SUPT3H: variants seen among roughly 807,000 people sequenced by gnomAD.
The protein encoded by SUPT3H is SPT3 homolog, SAGA and STAGA complex component.
Under a neutral mutation model 44.3 loss-of-function variants are expected in SUPT3H, and 44 were observed. The observed-to-expected ratio is 0.99, with a 90% confidence interval of 0.78 to 1.28. SUPT3H has a LOEUF of 1.28. Ranked by LOEUF, SUPT3H falls within the 50% of genes most tolerant of loss-of-function variation. The probability of loss-of-function intolerance (pLI) is 0.00; values close to 1 mark genes in which losing one functional copy is unlikely to be tolerated. For synonymous variants in SUPT3H, 124 were observed against 125.6 expected (o/e 0.99, Z 0.09); for missense variants, 380 against 387.1 (o/e 0.98, Z 0.15).
intron 10 of SUPT3H, among the ~76,000 whole-genome samples, chr6:44,844,444 A>G (rs889228883): frequency 1.3e-5 from 2 of 152,224 alleles, no homozygotes; most frequent in Non-Finnish European, 2.9e-5. Flanking sequence ...GAACATTTAT[A>G]TATTTTTATG....
intron 2 of SUPT3H, among the ~76,000 whole-genome samples, chr6:45,229,969 T>C (rs1767647978): frequency 6.6e-6 from 1 of 152,180 alleles, no homozygotes; most frequent in Non-Finnish European, 1.5e-5. Flanking sequence ...CCTCTATTCA[T>C]GGTCCCTTTC....
chr6:45,108,436 C>CTTA (rs1039293968), intron 2 of SUPT3H, among the ~76,000 whole-genome samples: 18 of 152,130 alleles, frequency 1.2e-4, no homozygotes, highest in African/African-American at 4.3e-4. Context: ...GTGCATGTAT[C>CTTA]TTATATGTAT....
chr6:44,889,450 T>G (rs1402307392), intron 10 of SUPT3H, among the ~76,000 whole-genome samples: 1 of 152,086 alleles, frequency 6.6e-6, no homozygotes, highest in Non-Finnish European at 1.5e-5. Context: ...CCCTCAGAAA[T>G]AACACCGCAT....
intron 2 of SUPT3H, among the ~76,000 whole-genome samples, chr6:45,108,687 T>C (rs1283379299): frequency 6.6e-6 from 1 of 152,160 alleles, no homozygotes. Context: ...AGGAACTTTC[T>C]CTAATTTGAT....
intron 9 of SUPT3H, among the ~76,000 whole-genome samples, chr6:44,942,586 T>C (rs1772631471): frequency 6.6e-6 from 1 of 152,120 alleles, no homozygotes; most frequent in Non-Finnish European, 1.5e-5. Flanking sequence ...GGTGTACAAA[T>C]TTTACCCAAA....
At chr6:44,918,492 T>C (rs909351417) in intron 10 of SUPT3H, among the ~76,000 whole-genome samples, 6 of 152,136 alleles carry the variant, frequency 3.9e-5, no homozygotes, top group Non-Finnish European at 5.9e-5. Context: ...CCTTGTCCAA[T>C]CCTCCTTTAT....
chr6:44,891,339 A>G (rs1402946196), intron 10 of SUPT3H, among the ~76,000 whole-genome samples: 1 of 152,168 alleles, frequency 6.6e-6, no homozygotes, highest in Non-Finnish European at 1.5e-5. Context: ...CACATTATTC[A>G]CAATAGCCAA....
intron 2 of SUPT3H, among the ~76,000 whole-genome samples, chr6:45,303,439 T>G (rs1387876776): frequency 1.3e-5 from 2 of 151,312 alleles, no homozygotes; most frequent in Non-Finnish European, 2.9e-5. Flanking sequence ...AAGCAAACAA[T>G]CCCATCAAAA....
At chr6:44,928,691 C>T (rs1430020446) in intron 10 of SUPT3H, among the ~76,000 whole-genome samples, 2 of 150,958 alleles carry the variant, frequency 1.3e-5, no homozygotes, top group East Asian at 1.9e-4. Flanking sequence ...GTCAGGAGAT[C>T]GAGACCACGG....
At position 45,233,111 on chromosome 6, in the gene SUPT3H, C is replaced by T. The variant is rs7749973; in HGVS notation, c.102-127105G>A. Among the ~76,000 whole-genome samples the T allele has an allele frequency of 1.6e-4, 24 of 152,232 alleles. 1 individual carries two copies. Among genetic ancestry groups the T allele is most frequent in the East Asian group, 3.9e-4 (2 of 5,178 alleles). ...AGTCTCTCAGGTTTTAGAAATTACG[C>T]GCTTTAGTTTTCTTTGTACAAGAGG... is the stretch of plus-strand genomic sequence containing the variant. On this transcript the variant is annotated intron_variant, in intron 2 of 10. Transcript: ENST00000371459.
intron 2 of SUPT3H, chr6:45,328,372 A>C (rs1786754584): frequency 5.8e-6 from 8 of 1,390,098 alleles, no homozygotes; most frequent in Non-Finnish European, 7.7e-6. Flanking sequence ...TGCGGTGCAA[A>C]CTTTCTCCAG....
intron 2 of SUPT3H, among the ~76,000 whole-genome samples, chr6:45,228,137 T>C (rs1438017208): frequency 6.6e-6 from 1 of 152,222 alleles, no homozygotes; most frequent in Admixed American, 6.5e-5. Flanking sequence ...CAAAAATGTC[T>C]GCTTTTATTA....
chr6:45,259,545 C>T lies in SUPT3H; in HGVS notation c.101+105656G>A, dbSNP rs56166696. On this transcript the variant is annotated intron_variant, in intron 2 of 10. Transcript: ENST00000371459. ...TTTACTCTATATCTATTTTTGACCT[C>T]GTAGAAAACAGCAATGATGTGGTGA... 3.9e-3 allele frequency among the ~76,000 whole-genome samples: 594 copies of T among 152,124 alleles called. 7 individuals are homozygous for T. Among genetic ancestry groups the T allele is most frequent in the African/African-American group, 0.014 (565 of 41,514 alleles).
intron 2 of SUPT3H, among the ~76,000 whole-genome samples, chr6:45,183,575 C>T (rs1017454300): frequency 1.4e-4 from 21 of 152,142 alleles, no homozygotes; most frequent in Non-Finnish European, 1.9e-4. Flanking sequence ...AGTAAGAACT[C>T]GCTTATCACC....
At chr6:45,242,133 T>C (rs1770471250) in intron 2 of SUPT3H, among the ~76,000 whole-genome samples, 1 of 152,100 alleles carries the variant, frequency 6.6e-6, no homozygotes, top group Non-Finnish European at 1.5e-5. Context: ...ATACATGAAA[T>C]AACTGGCCTC....
At chr6:45,218,436 G>C (rs6901786) in intron 2 of SUPT3H, among the ~76,000 whole-genome samples, 4 of 152,020 alleles carry the variant, frequency 2.6e-5, no homozygotes, top group Non-Finnish European at 1.5e-5. Flanking sequence ...AACAATTGAT[G>C]AAAGTACTAG....
At chr6:44,944,112 G>T (rs1183199487) in intron 9 of SUPT3H, among the ~76,000 whole-genome samples, 1 of 151,936 alleles carries the variant, frequency 6.6e-6, no homozygotes, top group Non-Finnish European at 1.5e-5. Flanking sequence ...ATATATAGAT[G>T]TAGTATGCAT....
chr6:45,128,125 G>T (rs1802721250), intron 2 of SUPT3H, among the ~76,000 whole-genome samples: 1 of 152,034 alleles, frequency 6.6e-6, no homozygotes, highest in African/African-American at 2.4e-5. Context: ...TTATGACTGG[G>T]CTTTGCAATG....
chr6:45,138,250 T>C (rs988553899), intron 2 of SUPT3H, among the ~76,000 whole-genome samples: 22 of 152,158 alleles, frequency 1.4e-4, no homozygotes, highest in African/African-American at 5.3e-4. Flanking sequence ...ATATTGCTAC[T>C]GAGAATGTAA....
Sources: allele counts gnomAD v4.1 joint callset (sites outside exome capture counted in the v4.1 genomes callset), GRCh38; gene constraint gnomAD v4.1.1; transcripts MANE v1.5; gene names NCBI Gene and HGNC (gene_info 2026-07-23, HGNC 2026-07-21).